The following KCNAB1 variants were observed in gnomAD, a reference collection of about 807,000 sequenced individuals.
KCNAB1 encodes the protein potassium voltage-gated channel subfamily A regulatory beta subunit 1, also known as voltage-gated potassium channel subunit beta-1.
KCNAB1 carries 35 observed loss-of-function variants against 64.6 expected under a neutral mutation model. The observed-to-expected ratio is 0.54, with a 90% confidence interval of 0.41 to 0.72. The LOEUF is 0.72. KCNAB1 is among the 30% of genes least tolerant of loss of function. The pLI, the probability that KCNAB1 is intolerant of heterozygous loss-of-function variation, is 0.00. For missense variants in KCNAB1, 401 were observed against 512.9 expected (o/e 0.78, Z 2.11); for synonymous variants, 177 against 183.8 (o/e 0.96, Z 0.30).
intron 3 of KCNAB1, among the ~76,000 whole-genome samples, chr3:156,453,685 G>A (rs370995146): frequency 5.3e-5 from 8 of 152,262 alleles, no homozygotes; most frequent in African/African-American, 1.9e-4. Flanking sequence ...CAGGCATTGA[G>A]CACCAAGAAC....
At chr3:156,472,342 C>A (rs1457646145) in intron 7 of KCNAB1, among the ~76,000 whole-genome samples, 1 of 152,192 alleles carries the variant, frequency 6.6e-6, no homozygotes, top group African/African-American at 2.4e-5. Flanking sequence ...CTTGTGCCTT[C>A]AGGTCCCTCT....
At chr3:156,367,863 A>G (rs930046954) in intron 1 of KCNAB1, among the ~76,000 whole-genome samples, 6 of 152,202 alleles carry the variant, frequency 3.9e-5, no homozygotes, top group African/African-American at 1.2e-4. Context: ...TAAAAAATAC[A>G]CAAGACAAAA....
At chr3:156,352,101 G>A (rs1724899061) in intron 1 of KCNAB1, among the ~76,000 whole-genome samples, 1 of 152,216 alleles carries the variant, frequency 6.6e-6, no homozygotes, top group Admixed American at 6.5e-5. Context: ...GCTTGGGGCA[G>A]GGTCTGGAGT....
intron 1 of KCNAB1, among the ~76,000 whole-genome samples, chr3:156,167,888 C>A (rs989259572): frequency 6.6e-6 from 1 of 152,240 alleles, no homozygotes; most frequent in African/African-American, 2.4e-5. Flanking sequence ...GGACAGAATG[C>A]TCTCTATACT....
chr3:156,122,195 G>A (rs543506136), intron 1 of KCNAB1, among the ~76,000 whole-genome samples: 20 of 152,142 alleles, frequency 1.3e-4, no homozygotes, highest in South Asian at 8.3e-4. Context: ...AAGTAGTCTC[G>A]TTTAAAGAAA....
intron 7 of KCNAB1, among the ~76,000 whole-genome samples, chr3:156,468,952 A>G (rs979706240): frequency 1.3e-5 from 2 of 152,208 alleles, no homozygotes; most frequent in African/African-American, 4.8e-5. Context: ...ATTCTCTTCC[A>G]TGGAGTTTGC....
Position 156,531,513 on chromosome 3 carries a change from C to A in KCNAB1, c.1170+16C>A. 1 of 1,569,316 alleles carries A rather than the reference C, an allele frequency of 6.4e-7. No homozygotes were observed. The highest frequency in any genetic ancestry group is 8.8e-7 in the Non-Finnish European group (1 of 1,139,080). ...TGCCATTCAGGCAAGTACTGCAGCC[C>A]CTTCCAACATCAGGGAATTTAATGG... On this transcript the variant is annotated intron_variant, in intron 13 of 13. Transcript: ENST00000490337.
At chr3:156,441,791 C>T (rs1032681778) in intron 2 of KCNAB1, among the ~76,000 whole-genome samples, 60 of 152,180 alleles carry the variant, frequency 3.9e-4, no homozygotes, top group African/African-American at 1.4e-3. Context: ...TAATTTTAAA[C>T]ATTTAAATGT....
intron 1 of KCNAB1, among the ~76,000 whole-genome samples, chr3:156,352,796 G>A (rs1380027275): frequency 6.6e-6 from 1 of 152,228 alleles, no homozygotes; most frequent in Admixed American, 6.5e-5. Context: ...TTTGGGCAGA[G>A]GGTGTCAGCC....
intron 1 of KCNAB1, among the ~76,000 whole-genome samples, chr3:156,181,819 G>A (rs1219180396): frequency 1.3e-5 from 2 of 152,292 alleles, no homozygotes; most frequent in African/African-American, 4.8e-5. Context: ...GTGAGGTGGG[G>A]TAGGGGGAGT....
At position 156,452,001 on chromosome 3, in the gene KCNAB1, G is replaced by A. The variant is rs1288259117; in HGVS notation, c.320-898G>A. ...TTTGTCAAATGGTCTTATAAACCGT[G>A]AGCTCCTGCGAGACAGGAACTGGGC... On this transcript the variant is annotated intron_variant, in intron 2 of 13. Transcript: ENST00000490337. This position sits in a 1 kb window ranked among gnomAD's most constrained non-coding sequence, Gnocchi z 4.6. Among the ~76,000 whole-genome samples, 1 of 152,092 alleles carries A rather than the reference G, an allele frequency of 6.6e-6. No individual in the cohort carries two copies. Among genetic ancestry groups the A allele is most frequent in the African/African-American group, 2.4e-5 (1 of 41,404 alleles).
intron 8 of KCNAB1, among the ~76,000 whole-genome samples, chr3:156,485,076 G>A (rs1715101658): frequency 6.6e-6 from 1 of 152,224 alleles, no homozygotes; most frequent in South Asian, 2.1e-4. Flanking sequence ...TTTTGAGGTT[G>A]TTGTTGTTAC....
intron 1 of KCNAB1, among the ~76,000 whole-genome samples, chr3:156,190,460 A>G (rs1377003791): frequency 1.3e-5 from 2 of 152,202 alleles, no homozygotes; most frequent in Admixed American, 6.5e-5. Context: ...GACCATTTCT[A>G]AATATAGTCA....
In KCNAB1 at chr3:156,176,511, C is replaced by T. The variant is rs1387873911; in HGVS notation, c.275+55625C>T. The T allele has an allele frequency of 3.8e-6, 3 of 796,588 alleles. No individual in the cohort carries two copies. In the African/African-American group the frequency reaches 5.1e-5, roughly 13 times the overall value. The allele number at this position is 796,588 out of a possible 1,614,324, so 49.3% of individuals were successfully genotyped here. ...CCCGTTTCACTATCCCACACAGCCACAGTTTTATCTGTGGATGCTGGGAAG... is the reference window on the plus strand; with the variant it reads ...CCCGTTTCACTATCCCACACAGCCATAGTTTTATCTGTGGATGCTGGGAAG... On this transcript the variant is annotated intron_variant, in intron 1 of 13. Coordinates refer to ENST00000490337, the MANE Select transcript of KCNAB1 (RefSeq NM_172160.3).
intron 1 of KCNAB1, among the ~76,000 whole-genome samples, chr3:156,128,921 C>T (rs1560099530): frequency 6.6e-6 from 1 of 152,194 alleles, no homozygotes; most frequent in Non-Finnish European, 1.5e-5. Flanking sequence ...CATTCACTAA[C>T]TGTAAGTAGT....
intron 1 of KCNAB1, among the ~76,000 whole-genome samples, chr3:156,270,163 G>A (rs984267741): frequency 5.3e-5 from 8 of 151,924 alleles, no homozygotes; most frequent in Non-Finnish European, 1.2e-4. Flanking sequence ...TGATCTGTCC[G>A]CCTCGGCCTC....
intron 1 of KCNAB1, among the ~76,000 whole-genome samples, chr3:156,139,151 G>A (rs73028515): frequency 0.016 from 2,453 of 152,280 alleles, 75 homozygotes; most frequent in African/African-American, 0.057. Context: ...ATCTTAGTTT[G>A]TATTGACAAC....
chr3:156,512,390 C>A (rs1717269960), intron 8 of KCNAB1, among the ~76,000 whole-genome samples: 1 of 152,272 alleles, frequency 6.6e-6, no homozygotes, highest in Non-Finnish European at 1.5e-5. Context: ...GCCTGTCTTA[C>A]TTGATGGCAG....
intron 1 of KCNAB1, among the ~76,000 whole-genome samples, chr3:156,387,720 C>A (rs1712720930): frequency 1.3e-5 from 2 of 152,264 alleles, no homozygotes; most frequent in South Asian, 4.1e-4. Context: ...CAAGCAGGGG[C>A]AATCTTGCAG....
Sources: allele counts gnomAD v4.1 joint callset (sites outside exome capture counted in the v4.1 genomes callset), GRCh38; gene constraint gnomAD v4.1.1; non-coding constraint Gnocchi (gnomAD v3.1); transcripts MANE v1.5; gene names NCBI Gene and HGNC (gene_info 2026-07-23, HGNC 2026-07-21).